AGAP1: variants seen among roughly 807,000 people sequenced by gnomAD.
The protein encoded by AGAP1 is ArfGAP with GTPase domain, ankyrin repeat and PH domain 1.
A neutral mutation model predicts 105.3 loss-of-function variants in AGAP1; 29 were observed. The observed-to-expected ratio is 0.28, with a 90% confidence interval of 0.21 to 0.38. The LOEUF (loss-of-function observed/expected upper bound fraction) is 0.38. Among genes scored for constraint, AGAP1 ranks in the 10% least tolerant of loss-of-function variants. The pLI, the probability that AGAP1 is intolerant of heterozygous loss-of-function variation, is 1.00. For synonymous variants in AGAP1, 509 were observed against 485.9 expected (o/e 1.05, Z -0.63); for missense variants, 998 against 1,165.1 (o/e 0.86, Z 2.09).
rs566376661 is a variant in AGAP1, at chr2:235,696,695, C to A, written c.164-12484C>A. Among the ~76,000 whole-genome samples, 23 of 152,322 alleles carry A rather than the reference C, an allele frequency of 1.5e-4. No individual in the cohort carries two copies. The South Asian group carries it at 3.7e-3, about 25-fold the overall frequency. On this transcript the variant is annotated intron_variant, in intron 1 of 17. Transcript: ENST00000304032. ...TAGTGGCACCATGCTATCGCTGCCC[C>A]TTTCCCATGCATGTGCTGCAGACTT... is the stretch of plus-strand genomic sequence containing the variant.
chr2:235,668,402 C>T (rs866134683), intron 1 of AGAP1, among the ~76,000 whole-genome samples: 2 of 152,234 alleles, frequency 1.3e-5, no homozygotes, highest in South Asian at 2.1e-4. Context: ...AAAGCTGGCA[C>T]CTGACAATCC....
At chr2:235,966,150 G>C (rs1382608376) in intron 12 of AGAP1, among the ~76,000 whole-genome samples, 1 of 149,100 alleles carries the variant, frequency 6.7e-6, no homozygotes, top group Non-Finnish European at 1.5e-5. Flanking sequence ...ATGGAGGAGA[G>C]GGGAGCTCGT....
chr2:235,678,180 T>G (rs944832857), intron 1 of AGAP1, among the ~76,000 whole-genome samples: 3 of 152,180 alleles, frequency 2.0e-5, no homozygotes, highest in African/African-American at 4.8e-5. Flanking sequence ...TCCGGCTATT[T>G]CAGCTGCCAA....
In AGAP1 at chr2:235,994,591, C is replaced by G. The variant is rs960246043; in HGVS notation, c.1645+25968C>G. Among the ~76,000 whole-genome samples, 1 of 152,042 alleles carries G rather than the reference C, an allele frequency of 6.6e-6. No homozygotes were observed. Among genetic ancestry groups the G allele is most frequent in the African/African-American group, 2.4e-5 (1 of 41,382 alleles). On this transcript the variant is annotated intron_variant, in intron 13 of 17. Transcript: ENST00000304032. The surrounding 1 kb of genome is among the most constrained non-coding windows in gnomAD (Gnocchi z 4.4). ...ACCAAACTGTTTCCTAATTGCACTC[C>G]CTGCATTGTCTTATTCAGTCCCGAC...
Position 235,882,464 on chromosome 2 carries a change from G to T in AGAP1, c.1051-881G>T. ...TCAGCTTGGCCCTATTGAAGCTGGC[G>T]ATTCCCCCCACGTCTGGTTTGTCTG... On this transcript the variant is annotated intron_variant, in intron 9 of 17. Transcript: ENST00000304032. The surrounding 1 kb of genome is among the most constrained non-coding windows in gnomAD (Gnocchi z 4.6). 6.3e-7 allele frequency: 1 copy of T among 1,577,342 alleles called. No homozygotes were observed. The highest frequency in any genetic ancestry group is 8.7e-7 in the Non-Finnish European group (1 of 1,150,928).
chr2:235,506,225 C>A (rs1041393070), intron 1 of AGAP1, among the ~76,000 whole-genome samples: 1 of 152,114 alleles, frequency 6.6e-6, no homozygotes. Context: ...GCCACTGTGC[C>A]CGGCCCTGTT....
At chr2:235,695,033 T>C (rs534848446) in intron 1 of AGAP1, among the ~76,000 whole-genome samples, 1 of 152,324 alleles carries the variant, frequency 6.6e-6, no homozygotes, top group Admixed American at 6.5e-5. Context: ...TATTTTACTA[T>C]TAAATAGACT....
In AGAP1 at chr2:235,723,415, G is replaced by T. The variant is rs572605523; in HGVS notation, c.310+5771G>T. Among the ~76,000 whole-genome samples, 2 of 152,296 alleles carry T rather than the reference G, an allele frequency of 1.3e-5. No individual in the cohort carries two copies. Among genetic ancestry groups the T allele is most frequent in the African/African-American group, 4.8e-5 (2 of 41,548 alleles). On this transcript the variant is annotated intron_variant, in intron 3 of 17. Coordinates refer to ENST00000304032, the MANE Select transcript of AGAP1 (RefSeq NM_001037131.3). This position sits in a 1 kb window ranked among gnomAD's most constrained non-coding sequence, Gnocchi z 6.2. ...AAAGCTAGGATGTCCAGTATTATGT[G>T]GACATTAGATAGGAAATGTGGACCT...
intron 1 of AGAP1, among the ~76,000 whole-genome samples, chr2:235,674,181 C>T (rs367609575): frequency 2.0e-5 from 3 of 152,284 alleles, no homozygotes; most frequent in African/African-American, 4.8e-5. Context: ...ACAGTTGCCT[C>T]GGTGAGTTCA....
At chr2:235,868,381 G>A (rs767506265) in intron 9 of AGAP1, among the ~76,000 whole-genome samples, 50 of 152,078 alleles carry the variant, frequency 3.3e-4, no homozygotes, top group African/African-American at 8.7e-4. Context: ...ATGCATGCAC[G>A]GCCCCCGGTG....
At position 236,017,264 on chromosome 2, in the gene AGAP1, G is replaced by C. The variant is rs909477520; in HGVS notation, c.1646-19297G>C. ...GCCAAGATCACTCCACTGCACTGCAGCCTGGACGACAGAGCGAGACTCCAT... is the reference window on the plus strand; with the variant it reads ...GCCAAGATCACTCCACTGCACTGCACCCTGGACGACAGAGCGAGACTCCAT... On this transcript the variant is annotated intron_variant, in intron 13 of 17. Coordinates refer to ENST00000304032, the MANE Select transcript of AGAP1 (RefSeq NM_001037131.3). 4.7e-5 allele frequency among the ~76,000 whole-genome samples: 7 copies of C among 148,410 alleles called. No homozygotes were observed. The East Asian group carries it at 1.4e-3, about 29-fold the overall frequency.
Position 235,740,436 on chromosome 2 carries a change from G to A in AGAP1, c.311-527G>A, listed in dbSNP as rs576168593. Among the ~76,000 whole-genome samples the A allele has an allele frequency of 1.6e-4, 25 of 152,202 alleles. No homozygotes were observed. In the South Asian group the frequency reaches 4.6e-3, roughly 28 times the overall value. On this transcript the variant is annotated intron_variant, in intron 3 of 17. Transcript: ENST00000304032. This position sits in a 1 kb window ranked among gnomAD's most constrained non-coding sequence, Gnocchi z 5.7. ...TCTAACCCATGTGTAGTAGTGAAGCGTCCCTCCCTAATTGTGGCCTGTGAC... is the reference window on the plus strand; with the variant it reads ...TCTAACCCATGTGTAGTAGTGAAGCATCCCTCCCTAATTGTGGCCTGTGAC...
chr2:236,072,137 T>G (rs1445738019), intron 16 of AGAP1, among the ~76,000 whole-genome samples: 1 of 149,470 alleles, frequency 6.7e-6, no homozygotes, highest in African/African-American at 2.4e-5. Context: ...TTTTTTTTTT[T>G]TTTTTTTTTT....
At chr2:235,671,607 A>G (rs1349542990) in intron 1 of AGAP1, among the ~76,000 whole-genome samples, 1 of 152,206 alleles carries the variant, frequency 6.6e-6, no homozygotes, top group Non-Finnish European at 1.5e-5. Context: ...ACCTCACTAC[A>G]GTGGTGGGGC....
intron 1 of AGAP1, among the ~76,000 whole-genome samples, chr2:235,571,164 A>G (rs532828087): frequency 6.6e-6 from 1 of 152,294 alleles, no homozygotes; most frequent in African/African-American, 2.4e-5. Context: ...CACCAAGGGG[A>G]CGGTGCTCAG....
chr2:235,578,006 GCTGGTC>G lies in AGAP1; in HGVS notation c.163+83159_163+83164del, dbSNP rs751069451. Among the ~76,000 whole-genome samples the G allele has an allele frequency of 7.2e-5, 11 of 152,120 alleles. No individual in the cohort carries two copies. The highest frequency in any genetic ancestry group is 1.5e-4 in the Non-Finnish European group (10 of 68,014). ...CGACACCATCCAGGTGCCTGCGTGT[GCTGGTC>G]CCGCCATCAGGACTTCCCCTCGTGA... is the stretch of plus-strand genomic sequence containing the variant. On this transcript the variant is annotated intron_variant, in intron 1 of 17. Coordinates refer to ENST00000304032, the MANE Select transcript of AGAP1 (RefSeq NM_001037131.3). The surrounding 1 kb of genome is among the most constrained non-coding windows in gnomAD (Gnocchi z 4.9).
intron 1 of AGAP1, among the ~76,000 whole-genome samples, chr2:235,646,324 T>C (rs1215294942): frequency 6.6e-6 from 1 of 151,982 alleles, no homozygotes; most frequent in African/African-American, 2.4e-5. Context: ...GGAGCCATCT[T>C]AAGATAATGC....
In AGAP1 at chr2:235,957,001, A is replaced by G. The variant is rs183135956; in HGVS notation, c.1484-11461A>G. 9.8e-5 allele frequency among the ~76,000 whole-genome samples: 15 copies of G among 152,298 alleles called. No individual in the cohort carries two copies. The highest frequency in any genetic ancestry group is 3.6e-4 in the African/African-American group (15 of 41,576). On this transcript the variant is annotated intron_variant, in intron 12 of 17. Transcript: ENST00000304032. This position sits in a 1 kb window ranked among gnomAD's most constrained non-coding sequence, Gnocchi z 4.6. ...ACGACCTCTCCCATTTTTTTTAAACAGCTTTATTCAGATAAAAATCACATA... is the reference window on the plus strand; with the variant it reads ...ACGACCTCTCCCATTTTTTTTAAACGGCTTTATTCAGATAAAAATCACATA...
rs1946607154 is a variant in AGAP1 at position 235,625,436 on chromosome 2, C to T, written c.164-83743C>T. Among the ~76,000 whole-genome samples the T allele has an allele frequency of 6.6e-6, 1 of 152,184 alleles. No homozygotes were observed. The highest frequency in any genetic ancestry group is 2.4e-5 in the African/African-American group (1 of 41,428). Reference sequence around the variant, plus strand: ...TGAGGTCAGGGGAGGTTCTGTAAATCTGGGAGAAAGGTGCCTTTCCTTTGG... The same window carrying T: ...TGAGGTCAGGGGAGGTTCTGTAAATTTGGGAGAAAGGTGCCTTTCCTTTGG... On this transcript the variant is annotated intron_variant, in intron 1 of 17. Transcript: ENST00000304032. This position sits in a 1 kb window ranked among gnomAD's most constrained non-coding sequence, Gnocchi z 4.0.
Sources: gnomAD v4.1 joint callset for allele counts (sites outside exome capture counted in the v4.1 genomes callset) on GRCh38, gnomAD v4.1.1 for gene constraint, Gnocchi (gnomAD v3.1) non-coding constraint, MANE v1.5 for transcripts, NCBI Gene and HGNC (gene_info 2026-07-23, HGNC 2026-07-21) for gene names.